The following NIPBL variants were observed in gnomAD, a reference collection of about 807,000 sequenced individuals.
NIPBL encodes nipped-B-like protein.
NIPBL carries 19 observed loss-of-function variants against 321.8 expected under a neutral mutation model. That is an observed-to-expected ratio of 0.06 (90% CI 0.04 to 0.09). The LOEUF is 0.09. Among genes scored for constraint, NIPBL ranks in the 10% least tolerant of loss-of-function variants. NIPBL has a pLI of 1.00. For synonymous variants in NIPBL, 1,106 were observed against 1,114.1 expected, an observed-to-expected ratio of 0.99 and a Z score of 0.14; for missense variants, 2,210 against 3,327.0, an observed-to-expected ratio of 0.66 and a Z score of 8.26.
Position 37,020,640 on chromosome 5 carries a change from T to C in NIPBL, c.5192T>C (p.Ile1731Thr), listed in dbSNP as rs1431242540. ...ENRKKFLRSIIKTTPSQFSTL... is the reference protein window; with the variant it reads ...ENRKKFLRSITKTTPSQFSTL... ...CGAAAAAAGTTTCTTAGAAGCATTA[T>C]CAAAACCACACCTTCTCAGTTTAGC... Residue 1731 changes from isoleucine (I) to threonine (T), a missense_variant, in exon 26 of 47, where the codon ATC becomes ACC. By Grantham distance (89) the Ile-to-Thr change is moderately conservative (BLOSUM62 -1). Around this residue, in one of 14 missense-constraint regions of NIPBL, gnomAD observed 138 missense variants for 175.8 expected, o/e 0.79. Coordinates refer to ENST00000282516, the MANE Select transcript of NIPBL (RefSeq NM_133433.4). The C allele has an allele frequency of 1.2e-6, 2 of 1,614,080 alleles. No individual in the cohort carries two copies. The highest frequency in any genetic ancestry group is 4.5e-5 in the East Asian group (2 of 44,860).
intron 9 of NIPBL, among the ~76,000 whole-genome samples, chr5:36,977,602 C>CT (rs879884531): frequency 0.012 from 1,590 of 131,568 alleles, 40 homozygotes; most frequent in Admixed American, 0.062. Context: ...TTTTCTTTGT[C>CT]TTTTTTTTTT....
rs1745124132 is a variant in NIPBL at position 36,877,127 on chromosome 5, C to T, written c.-131C>T. ...CCCCTCCCGGCCCGGATTATAGTCT[C>T]TCGCCACAGCGGCCTCGGCCTCCCC... On this transcript the variant is annotated 5_prime_UTR_variant, in exon 1 of 47. Transcript: ENST00000282516. 3.0e-6 allele frequency: 1 copy of T among 335,730 alleles called. No individual in the cohort carries two copies. Among genetic ancestry groups the T allele is most frequent in the South Asian group, 1.5e-4 (1 of 6,568 alleles). The allele number at this position is 335,730 out of a possible 1,614,324, so 20.8% of individuals were successfully genotyped here.
chr5:36,924,901 A>G (rs957278480), intron 1 of NIPBL, among the ~76,000 whole-genome samples: 2 of 152,130 alleles, frequency 1.3e-5, no homozygotes, highest in South Asian at 2.1e-4. Flanking sequence ...TTCTTTGACT[A>G]CTTACATCCA....
intron 1 of NIPBL, among the ~76,000 whole-genome samples, chr5:36,952,047 T>TGC (rs1306931484): frequency 2.5e-4 from 29 of 115,978 alleles, no homozygotes; most frequent in Non-Finnish European, 3.9e-4. Context: ...TGTGTGTGTG[T>TGC]GTGTGTGCGC....
At position 36,891,780 on chromosome 5, in the gene NIPBL, G is replaced by C. The variant is rs978117256; in HGVS notation, c.-80+14602G>C. Reference sequence around the variant, plus strand: ...TTTTTGGATAGTAGGCAGGAAAAGGGAGGCTCAGGAGGCCAGTAGGTGTTG... The same window carrying C: ...TTTTTGGATAGTAGGCAGGAAAAGGCAGGCTCAGGAGGCCAGTAGGTGTTG... On this transcript the variant is annotated intron_variant, in intron 1 of 46. Transcript: ENST00000282516. Among the ~76,000 whole-genome samples the C allele has an allele frequency of 9.2e-5, 14 of 152,158 alleles. No homozygotes were observed. In the East Asian group the frequency reaches 2.7e-3, roughly 29 times the overall value.
At chr5:36,879,953 A>T (rs1422444979) in intron 1 of NIPBL, among the ~76,000 whole-genome samples, 2 of 152,098 alleles carry the variant, frequency 1.3e-5, no homozygotes, top group Non-Finnish European at 2.9e-5. Context: ...TTATCTGAGA[A>T]CATTTTTGAA....
At chr5:37,021,746 T>C (rs535133067) in intron 27 of NIPBL, among the ~76,000 whole-genome samples, 25 of 152,184 alleles carry the variant, frequency 1.6e-4, no homozygotes, top group Non-Finnish European at 3.1e-4. Context: ...ATACTAAATA[T>C]CTTTGATTCA....
At chr5:36,925,555 C>T (rs1449620712) in intron 1 of NIPBL, among the ~76,000 whole-genome samples, 4 of 152,056 alleles carry the variant, frequency 2.6e-5, no homozygotes, top group Admixed American at 6.6e-5. Context: ...CATGAGCCAC[C>T]GCGCCCAGCC....
intron 1 of NIPBL, among the ~76,000 whole-genome samples, chr5:36,936,200 A>G (rs557104130): frequency 1.3e-5 from 2 of 152,182 alleles, no homozygotes; most frequent in Non-Finnish European, 2.9e-5. Flanking sequence ...GTTTGTGTTC[A>G]GTTTTAGGAT....
In NIPBL at chr5:37,020,556, G is replaced by A. The variant is rs1215322147; in HGVS notation, c.5108G>A (p.Gly1703Glu). Residue 1703 changes from glycine to glutamate, a missense_variant, in exon 26 of 47, where the codon GGA becomes GAA. Physicochemically the swap from Gly to Glu is moderately conservative, Grantham distance 98 (BLOSUM62 -2). Coordinates refer to ENST00000282516, the MANE Select transcript of NIPBL (RefSeq NM_133433.4). ...KSQKDEESSE[G>E]THHAKEIETT... ...CAAAAAGATGAAGAATCATCTGAAGGAACACATCATGCAAAGGAAATTGAG... is the reference window on the plus strand; with the variant it reads ...CAAAAAGATGAAGAATCATCTGAAGAAACACATCATGCAAAGGAAATTGAG... 1 of 1,613,904 alleles carries A rather than the reference G, an allele frequency of 6.2e-7. No individual in the cohort carries two copies. Among genetic ancestry groups the A allele is most frequent in the Admixed American group, 1.7e-5 (1 of 60,010 alleles).
At chr5:36,954,863 A>G (rs1310297171) in intron 2 of NIPBL, 1 of 153,062 alleles carries the variant, frequency 6.5e-6, no homozygotes, top group East Asian at 1.9e-4. Context: ...CAGAGATTAA[A>G]CGGCTGAATT....
rs778597604 is a variant in NIPBL at position 36,952,053 on chromosome 5, T to TGTGTGTGTGTGCGC, written c.-79-1564_-79-1563insTGTGTGTGTGCGCG. 7.0e-3 allele frequency among the ~76,000 whole-genome samples: 786 copies of TGTGTGTGTGTGCGC among 112,118 alleles called. 8 individuals carry two copies. Among genetic ancestry groups the TGTGTGTGTGTGCGC allele is most frequent in the Non-Finnish European group, 1.0e-2 (535 of 53,628 alleles). The allele number at this position is 112,118 out of a possible 152,430, so 73.6% of individuals were successfully genotyped here. On this transcript the variant is annotated intron_variant, in intron 1 of 46. Coordinates refer to ENST00000282516, the MANE Select transcript of NIPBL (RefSeq NM_133433.4). ...GTGTGTGTGTGTGTGTGTGTGTGTGTGCGCGCGCGCGCGCGCGCGCATGTG... is the reference window on the plus strand; with the variant it reads ...GTGTGTGTGTGTGTGTGTGTGTGTGTGTGTGTGTGTGCGCGCGCGCGCGCGCGCGCGCGCATGTG...
At chr5:36,895,508 G>A (rs1466247562) in intron 1 of NIPBL, among the ~76,000 whole-genome samples, 1 of 152,174 alleles carries the variant, frequency 6.6e-6, no homozygotes, top group African/African-American at 2.4e-5. Flanking sequence ...AGGTCATGTG[G>A]TAACTATGTT....
In NIPBL at chr5:37,065,121, T is replaced by A; in HGVS notation, c.*229T>A. 1.9e-6 allele frequency: 1 copy of A among 539,718 alleles called. No homozygotes were observed. The highest frequency in any genetic ancestry group is 3.2e-5 in the East Asian group (1 of 31,302). 33.4% of individuals were successfully genotyped at this position (539,718 alleles called of 1,614,324 possible). ...TTTTTACTCCCACTGTATTATAGTT[T>A]AACAAAAATTGTTTATATCTTGGAA... On this transcript the variant is annotated 3_prime_UTR_variant, in exon 47 of 47. Coordinates refer to ENST00000282516, the MANE Select transcript of NIPBL (RefSeq NM_133433.4).
Position 37,020,799 on chromosome 5 carries a change from T to C in NIPBL, c.5250T>C (p.Tyr1750=), listed in dbSNP as rs1399712673. The C allele has an allele frequency of 1.2e-6, 2 of 1,614,160 alleles. No individual in the cohort carries two copies. The highest frequency in any genetic ancestry group is 1.7e-6 in the Non-Finnish European group (2 of 1,179,992). ...GGATGAACTCTGATACTGTGGACTA[T>C]GATGATGCTTGCTTGATTGTTCGAT... The part of the protein sequence containing the change: ...TLKMNSDTVD[Y]DDACLIVRYL... Residue 1750 remains tyrosine (Y), a synonymous_variant, in exon 27 of 47, where the codon TAT becomes TAC. Transcript: ENST00000282516.
At chr5:36,914,229 T>A in intron 1 of NIPBL, among the ~76,000 whole-genome samples, 1 of 152,364 alleles carries the variant, frequency 6.6e-6, no homozygotes, top group South Asian at 2.1e-4. Context: ...GTCTGGGACA[T>A]GTGGGAAGCA....
At chr5:36,973,662 G>C (rs1743133778) in intron 8 of NIPBL, among the ~76,000 whole-genome samples, 2 of 152,032 alleles carry the variant, frequency 1.3e-5, no homozygotes, top group Non-Finnish European at 2.9e-5. Context: ...GTAGAGACAG[G>C]GTTTCACCAT....
At chr5:36,932,788 T>TTG (rs1345483393) in intron 1 of NIPBL, among the ~76,000 whole-genome samples, 2 of 148,722 alleles carry the variant, frequency 1.3e-5, no homozygotes, top group African/African-American at 5.0e-5. Context: ...GTTTTTTTTT[T>TTG]TTTTTTTTTT....
chr5:36,887,513 C>A (rs1170454016), intron 1 of NIPBL, among the ~76,000 whole-genome samples: 1 of 152,120 alleles, frequency 6.6e-6, no homozygotes, highest in East Asian at 1.9e-4. Context: ...GACCACCTCT[C>A]CCCCGACCCT....
Sources: allele counts gnomAD v4.1 joint callset (sites outside exome capture counted in the v4.1 genomes callset), GRCh38; gene constraint gnomAD v4.1.1; regional missense constraint gnomAD v4.1.1; transcripts MANE v1.5; gene names NCBI Gene and HGNC (gene_info 2026-07-23, HGNC 2026-07-21).